Variants in GNG2 observed in about 807,000 individuals in gnomAD.
GNG2 encodes the protein guanine nucleotide-binding protein G(I)/G(S)/G(O) subunit gamma-2.
Under a neutral mutation model 5.5 loss-of-function variants are expected in GNG2, and 5 were observed. That is an observed-to-expected ratio of 0.91 (90% CI 0.48 to 1.92). The LOEUF (loss-of-function observed/expected upper bound fraction) is 1.92, where lower values mean the gene tolerates loss of function less well. Ranked by LOEUF, GNG2 falls within the 30% of genes most tolerant of loss-of-function variation. GNG2 has a pLI of 0.01. For synonymous variants in GNG2, 28 were observed against 32.0 expected, an observed-to-expected ratio of 0.88 and a Z score of 0.42; for missense variants, 55 against 88.4, an observed-to-expected ratio of 0.62 and a Z score of 1.52.
exon 2 of GNG2, chr14:51,827,775 G>A: frequency 1.4e-6 from 1 of 699,478 alleles, no homozygotes; most frequent in Non-Finnish European, 2.6e-6. Context: ...CCAATGGAAA[G>A]AGAAGCAAGA....
chr14:51,839,930 C>CA (rs772523377), intron 2 of GNG2, among the ~76,000 whole-genome samples: 1 of 148,260 alleles, frequency 6.7e-6, no homozygotes, highest in African/African-American at 2.5e-5. Context: ...GGTAGATCTC[C>CA]AACAGTCTTG....
Position 51,949,326 on chromosome 14 carries a change from A to G in GNG2, c.-29-1324A>G, listed in dbSNP as rs541003300. Among the ~76,000 whole-genome samples, 3 of 152,238 alleles carry G rather than the reference A, an allele frequency of 2.0e-5. No homozygotes were observed. The East Asian group carries it at 5.8e-4, about 29-fold the overall frequency. On this transcript the variant is annotated intron_variant, in intron 2 of 3. Coordinates refer to ENST00000556766, the MANE Select transcript of GNG2 (RefSeq NM_053064.5). Reference sequence around the variant, plus strand: ...CAAGAAATAACTACCAAAAGAGATAATTTATAGACTTTTGCTTTTTGGTCA... The same window carrying G: ...CAAGAAATAACTACCAAAAGAGATAGTTTATAGACTTTTGCTTTTTGGTCA...
chr14:51,854,638 G>A (rs1164804557), intron 2 of GNG2, among the ~76,000 whole-genome samples: 3 of 151,156 alleles, frequency 2.0e-5, no homozygotes, highest in Non-Finnish European at 2.9e-5. Flanking sequence ...AGCTCCCCCC[G>A]AGTAGCTGGG....
chr14:51,870,293 T>C (rs1326864410), intron 1 of GNG2, among the ~76,000 whole-genome samples: 1 of 151,570 alleles, frequency 6.6e-6, no homozygotes, highest in South Asian at 2.1e-4. Context: ...ATGATCTAGG[T>C]AGGCCAGAGG....
intron 2 of GNG2, among the ~76,000 whole-genome samples, chr14:51,901,011 G>A (rs1313273474): frequency 6.6e-6 from 1 of 152,206 alleles, no homozygotes; most frequent in Admixed American, 6.5e-5. Context: ...ATTTGAGAAT[G>A]CTTAGGATTT....
In GNG2 at chr14:51,884,130, A is replaced by G. The variant is rs570395861; in HGVS notation, c.-30+6473A>G. 9.2e-5 allele frequency among the ~76,000 whole-genome samples: 14 copies of G among 152,294 alleles called. No homozygotes were observed. The South Asian group carries it at 2.5e-3, about 27-fold the overall frequency. ...TATCAAAAAGGTGAATATAAGTGCC[A>G]TTGAACCATCTGTTCATAAGCTTTT... On this transcript the variant is annotated intron_variant, in intron 2 of 3. Transcript: ENST00000556766.
chr14:51,865,429 C>A (rs1194785705), intron 1 of GNG2, among the ~76,000 whole-genome samples: 2 of 152,080 alleles, frequency 1.3e-5, no homozygotes, highest in Non-Finnish European at 2.9e-5. Flanking sequence ...TAAATATACA[C>A]AATTTTTATT....
intron 2 of GNG2, among the ~76,000 whole-genome samples, chr14:51,903,752 C>T (rs1218523088): frequency 6.6e-6 from 1 of 152,130 alleles, no homozygotes; most frequent in African/African-American, 2.4e-5. Flanking sequence ...CACAGATGTA[C>T]TCAATATTTT....
intron 1 of GNG2, among the ~76,000 whole-genome samples, chr14:51,877,011 G>A (rs774936305): frequency 2.6e-5 from 4 of 152,132 alleles, no homozygotes; most frequent in Non-Finnish European, 5.9e-5. Flanking sequence ...CTGGACAAAC[G>A]TAGGCCACTC....
chr14:51,900,372 A>G lies in GNG2; in HGVS notation c.-30+22715A>G, dbSNP rs1885469666. 2.0e-5 allele frequency among the ~76,000 whole-genome samples: 3 copies of G among 152,200 alleles called. No homozygotes were observed. The South Asian group carries it at 6.2e-4, about 32-fold the overall frequency. On this transcript the variant is annotated intron_variant, in intron 2 of 3. Coordinates refer to ENST00000556766, the MANE Select transcript of GNG2 (RefSeq NM_053064.5). ...GATTAACTCACTGAAGGAAACACTG[A>G]GTGAAAAAACCTGGTTTCAGGAATA...
intron 2 of GNG2, among the ~76,000 whole-genome samples, chr14:51,949,222 A>G (rs1289887334): frequency 2.0e-5 from 3 of 152,070 alleles, no homozygotes; most frequent in African/African-American, 7.2e-5. Context: ...ATTCTTCAAC[A>G]TAATATTCTC....
At chr14:51,829,390 CACTT>C (rs940933432) in intron 2 of GNG2, among the ~76,000 whole-genome samples, 3 of 152,152 alleles carry the variant, frequency 2.0e-5, no homozygotes, top group Admixed American at 1.3e-4. Flanking sequence ...GGCCCCCAAA[CACTT>C]ACTCCCTCCT....
chr14:51,936,233 A>T (rs1237514494), intron 2 of GNG2, among the ~76,000 whole-genome samples: 1 of 152,222 alleles, frequency 6.6e-6, no homozygotes, highest in Admixed American at 6.5e-5. Flanking sequence ...ATGGTTCTGC[A>T]AGATACTTCT....
chr14:51,845,060 T>C (rs375184257), intron 2 of GNG2, among the ~76,000 whole-genome samples: 120 of 152,366 alleles, frequency 7.9e-4, no homozygotes, highest in African/African-American at 2.7e-3. Context: ...AACTTGGTGC[T>C]CTTGCTTTGA....
chr14:51,842,259 C>T (rs950379471), intron 2 of GNG2, among the ~76,000 whole-genome samples: 10 of 152,142 alleles, frequency 6.6e-5, no homozygotes, highest in Non-Finnish European at 1.2e-4. Flanking sequence ...TTTAGTCTGG[C>T]GTTGATGTCT....
At position 51,887,502 on chromosome 14, in the gene GNG2, G is replaced by T. The variant is rs564678610; in HGVS notation, c.-30+9845G>T. Reference sequence around the variant, plus strand: ...CACTGAATCAGATAAATTGGTTGGGGAGGTATTTGTGGCAGCACAAAATGA... The same window carrying T: ...CACTGAATCAGATAAATTGGTTGGGTAGGTATTTGTGGCAGCACAAAATGA... On this transcript the variant is annotated intron_variant, in intron 2 of 3. Transcript: ENST00000556766. Among the ~76,000 whole-genome samples the T allele has an allele frequency of 6.6e-5, 10 of 152,298 alleles. No individual in the cohort carries two copies. In the East Asian group the frequency reaches 1.2e-3, roughly 18 times the overall value.
chr14:51,932,864 T>A (rs1245387233), intron 2 of GNG2, among the ~76,000 whole-genome samples: 2 of 151,120 alleles, frequency 1.3e-5, no homozygotes, highest in Non-Finnish European at 2.9e-5. Context: ...AAGCTCTGGA[T>A]ATGGAACAGT....
chr14:51,902,354 A>G (rs908285113), intron 2 of GNG2, among the ~76,000 whole-genome samples: 1 of 152,250 alleles, frequency 6.6e-6, no homozygotes, highest in African/African-American at 2.4e-5. Flanking sequence ...ATAAGCAGAT[A>G]GTTGAATTTT....
At chr14:51,868,528 T>C (rs1883082193) in intron 1 of GNG2, among the ~76,000 whole-genome samples, 1 of 152,126 alleles carries the variant, frequency 6.6e-6, no homozygotes, top group Non-Finnish European at 1.5e-5. Flanking sequence ...CTTTGTTGAG[T>C]AATCCCTGAA....
Sources: gnomAD v4.1 joint callset for allele counts (sites outside exome capture counted in the v4.1 genomes callset) on GRCh38, gnomAD v4.1.1 for gene constraint, MANE v1.5 for transcripts, NCBI Gene and HGNC (gene_info 2026-07-23, HGNC 2026-07-21) for gene names.